Variants in SPATA31A3 observed in about 807,000 individuals in gnomAD.
SPATA31A3 encodes the protein spermatogenesis-associated protein 31A3.
For missense variants in SPATA31A3, 132 were observed against 1,094.6 expected (o/e 0.12, Z 12.41); for synonymous variants, 47 against 419.3 (o/e 0.11, Z 10.85).
exon 4 of SPATA31A3, chr9:66,987,090 G>A: frequency 7.7e-7 from 1 of 1,295,374 alleles, no homozygotes; most frequent in South Asian, 1.2e-5. Flanking sequence ...CTGTTTTCCT[G>A]ACTGGGGTAA....
rs759205873 is a variant in SPATA31A3 at position 66,988,648 on chromosome 9, A to G, written c.1850T>C (p.Ile617Thr). The G allele has an allele frequency of 2.9e-5, 34 of 1,166,920 alleles. 12 individuals carry two copies. The highest frequency in any genetic ancestry group is 3.8e-5 in the Non-Finnish European group (31 of 825,526). 72.3% of individuals were successfully genotyped at this position (1,166,920 alleles called of 1,614,324 possible). The change falls in exon 4 of 4, where the codon ATC (isoleucine) becomes ACC (threonine). Residue 617 changes from isoleucine (I) to threonine (T), a missense_variant. Physicochemically the swap from Ile to Thr is moderately conservative, Grantham distance 89. Transcript: ENST00000428649. ...CTGCATCAGATCCAGAGACTCTTGGATCCTTCCCAGGTTGCCCCAGTGTTG... is the reference window on the plus strand; with the variant it reads ...CTGCATCAGATCCAGAGACTCTTGGGTCCTTCCCAGGTTGCCCCAGTGTTG...
Position 66,986,780 on chromosome 9 carries a change from GA to G in SPATA31A3, c.3717del (p.Gln1240LysfsTer23). ...CAGGGAAACCCACAGACTGGGGCTT[GA>G]AACTTCTGTTTGTGCTGATTTACCT... On this transcript the variant is annotated frameshift_variant, in exon 4 of 4. Transcript: ENST00000428649. LOFTEE classifies it low-confidence loss of function (END_TRUNC). 1 of 1,530,364 alleles carries G rather than the reference GA, an allele frequency of 6.5e-7. No individual in the cohort carries two copies. The highest frequency in any genetic ancestry group is 2.0e-5 in the Admixed American group (1 of 51,186). 94.8% of individuals were successfully genotyped at this position (1,530,364 alleles called of 1,614,324 possible). A position where few individuals can be genotyped will look rare whatever the true frequency, so the allele number is the denominator to read the frequency against.
chr9:66,992,349 G>GAT lies in SPATA31A3; in HGVS notation c.171_172dup (p.Ser58TyrfsTer10). 5.7e-6 allele frequency: 1 copy of GAT among 174,746 alleles called. No homozygotes were observed. Among genetic ancestry groups the GAT allele is most frequent in the Admixed American group, 1.4e-4 (1 of 6,996 alleles). The allele number at this position is 174,746 out of a possible 1,614,324, so 10.8% of individuals were successfully genotyped here. Reference sequence around the variant, plus strand: ...GTTCCTTACCTTTCTCTTCCCAGGCGATGGTGAGGGTGGGTCATCACAACG... The same window carrying GAT: ...GTTCCTTACCTTTCTCTTCCCAGGCGATATGGTGAGGGTGGGTCATCACAACG... On this transcript the variant is annotated frameshift_variant, in exon 1 of 4. Coordinates refer to ENST00000428649, the Ensembl canonical transcript of SPATA31A3. LOFTEE classifies it high-confidence loss of function.
chr9:66,987,307 C>T (rs1823249666), exon 4 of SPATA31A3: 1 of 1,266,820 alleles, frequency 7.9e-7, no homozygotes, highest in East Asian at 2.3e-5. Flanking sequence ...CCGCATGTTC[C>T]CAGTAGGCAT....
Position 66,989,908 on chromosome 9 carries a change from GA to G in SPATA31A3, c.589del (p.Ser197HisfsTer38). On this transcript the variant is annotated frameshift_variant, in exon 4 of 4. Transcript: ENST00000428649. LOFTEE classifies it low-confidence loss of function (END_TRUNC). ...AGGGAAAAGTGCAGGTGGCTCGGGT[GA>G]GGGGTGTTCTAGGGGAAGGGAAGGT... The G allele has an allele frequency of 1.9e-6, 3 of 1,591,906 alleles. No individual in the cohort carries two copies. The highest frequency in any genetic ancestry group is 2.6e-6 in the Non-Finnish European group (3 of 1,172,994).
At position 66,987,169 on chromosome 9, in the gene SPATA31A3, C is replaced by G. The variant is rs749943599; in HGVS notation, c.3329G>C (p.Ser1110Thr). The G allele has an allele frequency of 1.0e-5, 12 of 1,181,650 alleles. 4 individuals carry two copies. The South Asian group carries it at 1.3e-4, about 13-fold the overall frequency. The allele number at this position is 1,181,650 out of a possible 1,614,324, so 73.2% of individuals were successfully genotyped here. ...TAAGTTGGGCTTCCTAAACTTCTCACTCTTGTGAATAGGGGGAAACATTGG... is the reference window on the plus strand; with the variant it reads ...TAAGTTGGGCTTCCTAAACTTCTCAGTCTTGTGAATAGGGGGAAACATTGG... Residue 1110 changes from serine (S) to threonine (T), a missense_variant, in exon 4 of 4, where the codon AGT becomes ACT. By Grantham distance (58) the Ser-to-Thr change is moderately conservative. Coordinates refer to ENST00000428649, the Ensembl canonical transcript of SPATA31A3.
chr9:66,991,705 A>AAAATG (rs1221620580), intron 1 of SPATA31A3, among the ~76,000 whole-genome samples: 29 of 64,332 alleles, frequency 4.5e-4, no homozygotes, highest in African/African-American at 1.2e-3. Flanking sequence ...AAAATAAAAT[A>AAAATG]AAAATAACAC....
exon 4 of SPATA31A3, chr9:66,987,319 C>T: frequency 7.9e-7 from 1 of 1,266,042 alleles, no homozygotes; most frequent in South Asian, 1.2e-5. Context: ...AGTAGGCATG[C>T]TCTGGAGATG....
chr9:66,986,692 T>C (rs1823238299), exon 4 of SPATA31A3: 2 of 1,120,044 alleles, frequency 1.8e-6, no homozygotes, highest in Admixed American at 5.3e-5. Flanking sequence ...AGTGGCTTGT[T>C]GACTGCTGGC....
chr9:66,988,659 G>A lies in SPATA31A3; in HGVS notation c.1839C>T (p.Asn613=). Residue 613 remains asparagine (N), a synonymous_variant, in exon 4 of 4, where the codon AAC becomes AAT. Transcript: ENST00000428649. Reference sequence around the variant, plus strand: ...CCAGAGACTCTTGGATCCTTCCCAGGTTGCCCCAGTGTTGGATGATCCACT... The same window carrying A: ...CCAGAGACTCTTGGATCCTTCCCAGATTGCCCCAGTGTTGGATGATCCACT... 3 of 1,164,294 alleles carry A rather than the reference G, an allele frequency of 2.6e-6. 1 individual carries two copies. The highest frequency in any genetic ancestry group is 3.6e-5 in the African/African-American group (2 of 56,232). The allele number at this position is 1,164,294 out of a possible 1,614,324, so 72.1% of individuals were successfully genotyped here. A position where few individuals can be genotyped will look rare whatever the true frequency, so the allele number is the denominator to read the frequency against.
At chr9:66,987,182 G>T (rs1432494374) in exon 4 of SPATA31A3, 3 of 1,181,432 alleles carry the variant, frequency 2.5e-6, no homozygotes, top group African/African-American at 3.3e-5. Context: ...TTGTGAATAG[G>T]GGGAAACATT....
chr9:66,991,034 G>A, intron 2 of SPATA31A3, 40 bp downstream of exon 2: 1 of 1,536,492 alleles, frequency 6.5e-7, no homozygotes, highest in South Asian at 1.1e-5. Context: ...CGGGACAGAT[G>A]AGATCAAATT....
chr9:66,991,688 A>AT (rs1823325653), intron 1 of SPATA31A3, among the ~76,000 whole-genome samples: 1 of 80,782 alleles, frequency 1.2e-5, no homozygotes, highest in Non-Finnish European at 2.3e-5. Context: ...ATAAAATAAA[A>AT]TAAAATAAAA....
intron 1 of SPATA31A3, among the ~76,000 whole-genome samples, chr9:66,991,711 AACAC>A (rs746282797): frequency 1.0e-4 from 9 of 86,882 alleles, no homozygotes; most frequent in South Asian, 1.0e-3. Context: ...AAATAAAAAT[AACAC>A]ACACAAATAA....
chr9:66,988,532 C>G lies in SPATA31A3; in HGVS notation c.1966G>C (p.Ala656Pro). The change falls in exon 4 of 4, where the codon GCA becomes CCA. Residue 656 changes from alanine to proline, a missense_variant. Coordinates refer to ENST00000428649, the Ensembl canonical transcript of SPATA31A3. Reference sequence around the variant, plus strand: ...TCTAGCTGGAACTTCACCTTCTGTGCCTCCTTGCTGCTTTCACCTGTGGAC... The same window carrying G: ...TCTAGCTGGAACTTCACCTTCTGTGGCTCCTTGCTGCTTTCACCTGTGGAC... 7.9e-7 allele frequency: 1 copy of G among 1,261,688 alleles called. No homozygotes were observed. Among genetic ancestry groups the G allele is most frequent in the Admixed American group, 2.1e-5 (1 of 47,218 alleles). The allele number at this position is 1,261,688 out of a possible 1,614,324, so 78.2% of individuals were successfully genotyped here.
chr9:66,992,487 CTAAG>C lies in SPATA31A3; in HGVS notation c.31_34del (p.Leu11ValfsTer5). 1 of 299,988 alleles carries C rather than the reference CTAAG, an allele frequency of 3.3e-6. No individual in the cohort carries two copies. 18.6% of individuals were successfully genotyped at this position (299,988 alleles called of 1,614,324 possible). ...ACTGGGGGCGTTTAGCGATGAGGCA[CTAAG>C]TAATTTTAAAGGAAAGGGAAGATTC... On this transcript the variant is annotated frameshift_variant, in exon 1 of 4. Transcript: ENST00000428649. LOFTEE classifies it high-confidence loss of function.
At position 66,989,553 on chromosome 9, in the gene SPATA31A3, AC is replaced by A. The variant is rs1195297392; in HGVS notation, c.944del (p.Gly315ValfsTer40). 12 of 981,776 alleles carry A rather than the reference AC, an allele frequency of 1.2e-5. No individual in the cohort carries two copies. Among genetic ancestry groups the A allele is most frequent in the African/African-American group, 2.2e-5 (1 of 45,588 alleles). The allele number at this position is 981,776 out of a possible 1,614,324, so 60.8% of individuals were successfully genotyped here. On this transcript the variant is annotated frameshift_variant, in exon 4 of 4. Coordinates refer to ENST00000428649, the Ensembl canonical transcript of SPATA31A3. LOFTEE classifies it low-confidence loss of function (END_TRUNC). ...CATCAGAGCTGAGCAAAAACAGGCT[AC>A]CAGCTTCCATCTGACAGGTCTCTGG...
rs756657900 is a variant in SPATA31A3 at position 66,987,292 on chromosome 9, G to T, written c.3206C>A (p.Ser1069Tyr). 1.7e-5 allele frequency: 21 copies of T among 1,267,508 alleles called. 5 individuals carry two copies. In the South Asian group the frequency reaches 2.4e-4, roughly 14 times the overall value. 78.5% of individuals were successfully genotyped at this position (1,267,508 alleles called of 1,614,324 possible). A position where few individuals can be genotyped will look rare whatever the true frequency, so the allele number is the denominator to read the frequency against. The stretch of plus-strand genomic sequence containing the variant: ...TGCCATGAGGTCATGTAGCTCCTGG[G>T]AAGCCCGCATGTTCCCAGTAGGCAT... Residue 1069 changes from serine to tyrosine, a missense_variant, in exon 4 of 4, where the codon TCC becomes TAC. Ser to Tyr is a moderately radical substitution (Grantham distance 144). Transcript: ENST00000428649.
At chr9:66,991,654 AAAAATAAAAT>A (rs1157053461) in intron 1 of SPATA31A3, among the ~76,000 whole-genome samples, 70 of 49,966 alleles carry the variant, frequency 1.4e-3, no homozygotes, top group African/African-American at 3.8e-3. Context: ...CTCCATCTCA[AAAAATAAAAT>A]AAAATAAAAT....
Sources: gnomAD v4.1 joint callset for allele counts (sites outside exome capture counted in the v4.1 genomes callset) on GRCh38, gnomAD v4.1.1 for gene constraint, MANE v1.5 for transcripts, NCBI Gene and HGNC (gene_info 2026-07-23, HGNC 2026-07-21) for gene names.